The following UGT1A6 variants were observed in gnomAD, a reference collection of about 807,000 sequenced individuals.
The protein encoded by UGT1A6 is UDP glucuronosyltransferase family 1 member A6, also known as UDP-glucuronosyltransferase 1A6.
In UGT1A6, 32 loss-of-function variants were observed where a neutral mutation model predicts 44.4. The observed-to-expected ratio is 0.72, with a 90% CI of 0.54 to 0.97. The LOEUF (loss-of-function observed/expected upper bound fraction) is 0.97. Among genes scored for constraint, UGT1A6 ranks in the 50% least tolerant of loss-of-function variants. The pLI is 0.00. For missense variants in UGT1A6, 685 were observed against 661.9 expected (o/e 1.03, Z -0.38); for synonymous variants, 238 against 248.5 (o/e 0.96, Z 0.40).
rs757592840 is a variant in UGT1A6, at chr2:233,693,218, T to C, written c.214T>C (p.Tyr72His). Residue 72 changes from tyrosine (Y) to histidine (H), a missense_variant, in exon 1 of 5, where the codon TAC becomes CAC. By Grantham distance (83) the Tyr-to-His change is moderately conservative. Transcript: ENST00000305139. The part of the protein sequence containing the change: ...EVNLLLKESK[Y>H]YTRKIYPVPY... The stretch of plus-strand genomic sequence containing the variant: ...TAATTTGCTTTTGAAAGAATCCAAA[T>C]ACTACACAAGAAAAATCTATCCAGT... The C allele has an allele frequency of 3.7e-6, 6 of 1,614,046 alleles. No homozygotes were observed. In the African/African-American group the frequency reaches 8.0e-5, roughly 22 times the overall value.
In UGT1A6 at chr2:233,698,217, GAATTA is replaced by G. The variant is rs370522111; in HGVS notation, c.861+4360_861+4364del. ...ATCAACATGCACTTTTAATTATTAG[GAATTA>G]AATTAAAGTGATCAAAATAGAATTT... On this transcript the variant is annotated intron_variant, in intron 1 of 4. Coordinates refer to ENST00000305139, the MANE Select transcript of UGT1A6 (RefSeq NM_001072.4). Among the ~76,000 whole-genome samples, 5 of 152,050 alleles carry G rather than the reference GAATTA, an allele frequency of 3.3e-5. No individual in the cohort carries two copies. The East Asian group carries it at 5.8e-4, about 18-fold the overall frequency.
chr2:233,735,194 G>A (rs1453877809), intron 1 of UGT1A6, among the ~76,000 whole-genome samples: 1 of 152,090 alleles, frequency 6.6e-6, no homozygotes, highest in Admixed American at 6.5e-5. Flanking sequence ...GAATCTAGGT[G>A]CTCCTGTATT....
chr2:233,707,949 C>G (rs530290982), intron 1 of UGT1A6, among the ~76,000 whole-genome samples: 9 of 152,206 alleles, frequency 5.9e-5, no homozygotes, highest in Non-Finnish European at 1.0e-4. Flanking sequence ...TTTGGATTTC[C>G]TCTTTTGCCC....
chr2:233,734,316 G>A (rs901431667), intron 1 of UGT1A6, among the ~76,000 whole-genome samples: 3 of 152,136 alleles, frequency 2.0e-5, no homozygotes, highest in Admixed American at 6.5e-5. Context: ...TTGTGTAGAC[G>A]TATTTATAGT....
chr2:233,738,082 A>G (rs1218405907), intron 1 of UGT1A6, among the ~76,000 whole-genome samples: 11 of 152,110 alleles, frequency 7.2e-5, no homozygotes, highest in African/African-American at 2.4e-4. Flanking sequence ...TCCTAATCTC[A>G]TCATAGTGAG....
chr2:233,763,077 G>C (rs1318326063), intron 1 of UGT1A6, among the ~76,000 whole-genome samples: 1 of 152,214 alleles, frequency 6.6e-6, no homozygotes, highest in Non-Finnish European at 1.5e-5. Context: ...TTCTTTGCGT[G>C]AGGATGTTTG....
rs917335869 is a variant in UGT1A6, at chr2:233,769,898, A to C, written c.1301+1459A>C. 2.9e-6 allele frequency: 1 copy of C among 349,938 alleles called. No individual in the cohort carries two copies. Among genetic ancestry groups the C allele is most frequent in the Non-Finnish European group, 5.1e-6 (1 of 194,280 alleles). The allele number at this position is 349,938 out of a possible 1,614,324, so 21.7% of individuals were successfully genotyped here. Reference sequence around the variant, plus strand: ...AATGAAAAGTCCACATAACCTGAGCATCATGTGCCCAGAGCGTTGGGTGGT... The same window carrying C: ...AATGAAAAGTCCACATAACCTGAGCCTCATGTGCCCAGAGCGTTGGGTGGT... On this transcript the variant is annotated intron_variant, in intron 4 of 4. Transcript: ENST00000305139. The surrounding 1 kb of genome is among the most constrained non-coding windows in gnomAD (Gnocchi z 4.4).
intron 1 of UGT1A6, chr2:233,743,023 A>G (rs574856700): frequency 4.1e-6 from 1 of 244,096 alleles, no homozygotes; most frequent in East Asian, 1.0e-4. Context: ...CGATTGAAAG[A>G]CAAACAGAGG....
chr2:233,767,203 C>T, intron 2 of UGT1A6, 38 bp downstream of exon 2: 1 of 1,613,332 alleles, frequency 6.2e-7, no homozygotes, highest in African/African-American at 1.3e-5. Flanking sequence ...TATCTATTTT[C>T]ACAGGAGCGC....
intron 1 of UGT1A6, chr2:233,752,371 G>C (rs1694955006): frequency 6.6e-6 from 1 of 152,082 alleles, no homozygotes; most frequent in Non-Finnish European, 1.5e-5. Flanking sequence ...GTCTCAAGAG[G>C]GTCATCTTTG....
At chr2:233,713,008 A>G in intron 1 of UGT1A6, 1 of 1,613,630 alleles carries the variant, frequency 6.2e-7, no homozygotes, top group Non-Finnish European at 8.5e-7. Flanking sequence ...ACAGGACTCC[A>G]GGTTCCCCTG....
At chr2:233,761,797 A>G (rs570450259) in intron 1 of UGT1A6, among the ~76,000 whole-genome samples, 2 of 152,324 alleles carry the variant, frequency 1.3e-5, no homozygotes, top group South Asian at 2.1e-4. Context: ...TCAGCAGAGG[A>G]TAGAAAAGAA....
At chr2:233,693,978 G>C (rs1189326021) in intron 1 of UGT1A6, 113 bp downstream of exon 1, 3 of 1,557,938 alleles carry the variant, frequency 1.9e-6, no homozygotes, top group Admixed American at 1.9e-5. Flanking sequence ...GAGAAACGGT[G>C]GGGGGAAGTG....
rs2077836996 is a variant in UGT1A6 at position 233,729,318 on chromosome 2, G to C, written c.861+35453G>C. The stretch of plus-strand genomic sequence containing the variant: ...ACCAGGCAGTGGTCCTCACCCCAGA[G>C]GTGAATATGCACATCAAAGAAGAGA... On this transcript the variant is annotated intron_variant, in intron 1 of 4. Transcript: ENST00000305139. 5 of 1,614,128 alleles carry C rather than the reference G, an allele frequency of 3.1e-6. No homozygotes were observed. In the Middle Eastern group the frequency reaches 6.6e-4, roughly 212 times the overall value.
chr2:233,715,559 C>G (rs1347075985), intron 1 of UGT1A6, among the ~76,000 whole-genome samples: 2 of 152,016 alleles, frequency 1.3e-5, no homozygotes, highest in African/African-American at 2.4e-5. Flanking sequence ...ATTGCTTGAG[C>G]CCAGGAGTCT....
Position 233,747,232 on chromosome 2 carries a change from G to T in UGT1A6, c.862-19802G>T. 2.5e-6 allele frequency: 4 copies of T among 1,605,196 alleles called. 1 individual carries two copies. The highest frequency in any genetic ancestry group is 2.2e-5 in the South Asian group (2 of 90,296). On this transcript the variant is annotated intron_variant, in intron 1 of 4. Coordinates refer to ENST00000305139, the MANE Select transcript of UGT1A6 (RefSeq NM_001072.4). ...TGCTGAGATGGCCACAGGACCCCAGGTTCCCCTGCTGTGGCTGGCCACAGG... is the reference window on the plus strand; with the variant it reads ...TGCTGAGATGGCCACAGGACCCCAGTTTCCCCTGCTGTGGCTGGCCACAGG...
chr2:233,747,014 C>A (rs774665109), intron 1 of UGT1A6, among the ~76,000 whole-genome samples: 1 of 151,838 alleles, frequency 6.6e-6, no homozygotes, highest in Non-Finnish European at 1.5e-5. Context: ...TAGGAGTGAT[C>A]GGTCTTTCCC....
chr2:233,719,338 G>T (rs546499527), intron 1 of UGT1A6: 33 of 1,613,808 alleles, frequency 2.0e-5, no homozygotes, highest in South Asian at 1.1e-4. Flanking sequence ...GTGTTTTTTT[G>T]GAGGTACATT....
chr2:233,750,471 A>G (rs759933129), intron 1 of UGT1A6: 1 of 152,038 alleles, frequency 6.6e-6, no homozygotes, highest in African/African-American at 2.4e-5. Context: ...AATACTGGCT[A>G]TAGAAATTTG....
Sources: allele counts gnomAD v4.1 joint callset (sites outside exome capture counted in the v4.1 genomes callset), GRCh38; gene constraint gnomAD v4.1.1; non-coding constraint Gnocchi (gnomAD v3.1); transcripts MANE v1.5; gene names NCBI Gene and HGNC (gene_info 2026-07-23, HGNC 2026-07-21).